EPB41: variants seen among roughly 807,000 people sequenced by gnomAD.
The protein encoded by EPB41 is protein 4.1.
Under a neutral mutation model 108.0 loss-of-function variants are expected in EPB41, and 65 were observed. The ratio of observed to expected loss-of-function variants is 0.60; its 90% CI spans 0.49 to 0.74. The LOEUF (loss-of-function observed/expected upper bound fraction) is 0.74, where lower values mean the gene tolerates loss of function less well. Among genes scored for constraint, EPB41 ranks in the 30% least tolerant of loss-of-function variants. The pLI is 0.00. For synonymous variants in EPB41, 336 were observed against 358.9 expected, an observed-to-expected ratio of 0.94 and a Z score of 0.72; for missense variants, 875 against 1,037.0, an observed-to-expected ratio of 0.84 and a Z score of 2.15.
chr1:28,890,476 G>A (rs1401798616), intron 1 of EPB41, among the ~76,000 whole-genome samples: 1 of 152,122 alleles, frequency 6.6e-6, no homozygotes, highest in African/African-American at 2.4e-5. Flanking sequence ...GGGTCTTCCA[G>A]CGCCTATTAC....
intron 1 of EPB41, among the ~76,000 whole-genome samples, chr1:28,934,241 A>G (rs529200394): frequency 6.6e-6 from 1 of 152,282 alleles, no homozygotes; most frequent in East Asian, 1.9e-4. Flanking sequence ...CAGAGAGGTA[A>G]AGTATCATTC....
At position 28,955,622 on chromosome 1, in the gene EPB41, C is replaced by T. The variant is rs2930837; in HGVS notation, c.-7-31809C>T. On this transcript the variant is annotated intron_variant, in intron 1 of 20. Transcript: ENST00000343067. The stretch of plus-strand genomic sequence containing the variant: ...CCTCCCAAAGTGCTGGGATTACAGA[C>T]GTGAGCCCACCACGCCCAGCCCTGA... 4.4e-3 allele frequency among the ~76,000 whole-genome samples: 674 copies of T among 152,202 alleles called. 3 individuals carry two copies. Among genetic ancestry groups the T allele is most frequent in the Non-Finnish European group, 7.4e-3 (500 of 67,992 alleles).
intron 15 of EPB41, among the ~76,000 whole-genome samples, chr1:29,062,649 C>T (rs565426433): frequency 4.6e-5 from 7 of 151,624 alleles, no homozygotes; most frequent in African/African-American, 1.7e-4. Flanking sequence ...GTCACTCCAG[C>T]AGGTTTTTTT....
intron 1 of EPB41, among the ~76,000 whole-genome samples, chr1:28,981,050 G>A (rs561620843): frequency 5.0e-4 from 76 of 152,272 alleles, no homozygotes; most frequent in Middle Eastern, 3.4e-3. Flanking sequence ...TTGGATTACA[G>A]GCGTGAGCCA....
chr1:29,114,291 C>G (rs1280109105), intron 19 of EPB41, among the ~76,000 whole-genome samples: 1 of 152,152 alleles, frequency 6.6e-6, no homozygotes, highest in East Asian at 1.9e-4. Flanking sequence ...ACAGGGACCC[C>G]CTCAGAAACT....
intron 20 of EPB41, among the ~76,000 whole-genome samples, chr1:29,116,311 G>A (rs2151776778): frequency 6.6e-6 from 1 of 152,192 alleles, no homozygotes; most frequent in Admixed American, 6.5e-5. Context: ...ACCATGCCCA[G>A]CTAATTTTTG....
intron 16 of EPB41, chr1:29,072,978 G>C (rs1573566279): frequency 6.6e-6 from 1 of 152,200 alleles, no homozygotes; most frequent in Non-Finnish European, 1.5e-5. Flanking sequence ...GGGCATGGTG[G>C]CACACACCTG....
chr1:29,076,309 C>G (rs918445601), intron 16 of EPB41, among the ~76,000 whole-genome samples: 2 of 152,178 alleles, frequency 1.3e-5, no homozygotes, highest in African/African-American at 4.8e-5. Flanking sequence ...CTTTATGTCC[C>G]TATAAATTGA....
At position 28,990,032 on chromosome 1, in the gene EPB41, G is replaced by A. The variant is rs181932402; in HGVS notation, c.468+2127G>A. Among the ~76,000 whole-genome samples the A allele has an allele frequency of 4.4e-3, 670 of 152,006 alleles. 5 individuals are homozygous for A. Among genetic ancestry groups the A allele is most frequent in the Non-Finnish European group, 7.4e-3 (502 of 67,944 alleles). The stretch of plus-strand genomic sequence containing the variant: ...AGCACTCTAGGAGGCTGAGGCAGGC[G>A]AATCACAAGGTCAGGAGTTTGAGAC... On this transcript the variant is annotated intron_variant, in intron 2 of 20. Transcript: ENST00000343067.
At chr1:28,956,129 G>A (rs1246695495) in intron 1 of EPB41, among the ~76,000 whole-genome samples, 3 of 152,208 alleles carry the variant, frequency 2.0e-5, no homozygotes, top group African/African-American at 7.2e-5. Context: ...GCCATGTAAA[G>A]TACTCTCATT....
intron 17 of EPB41, 60 bp downstream of exon 17, chr1:29,097,995 TCA>T (rs1663812067): frequency 6.2e-7 from 1 of 1,610,436 alleles, no homozygotes; most frequent in Non-Finnish European, 8.5e-7. Context: ...TAACCTTTCT[TCA>T]CAGAGTTTCT....
chr1:29,002,793 A>G (rs1016192500), intron 4 of EPB41, among the ~76,000 whole-genome samples: 2 of 152,222 alleles, frequency 1.3e-5, no homozygotes, highest in African/African-American at 2.4e-5. Context: ...CCAATAAGCA[A>G]TGGCAGAACA....
chr1:28,916,066 C>A (rs569177759), intron 1 of EPB41, among the ~76,000 whole-genome samples: 1 of 152,176 alleles, frequency 6.6e-6, no homozygotes, highest in South Asian at 2.1e-4. Flanking sequence ...TTTTCCTTTT[C>A]TGTAAATTGA....
At chr1:29,091,304 C>T (rs1201716367) in intron 16 of EPB41, among the ~76,000 whole-genome samples, 1 of 152,120 alleles carries the variant, frequency 6.6e-6, no homozygotes, top group Non-Finnish European at 1.5e-5. Flanking sequence ...TGAAGAAGCC[C>T]AAAGTTCCTC....
rs1428186976 is a variant in EPB41 at position 28,895,786 on chromosome 1, C to T, written c.-8+8576C>T. On this transcript the variant is annotated intron_variant, in intron 1 of 16. Transcript: ENST00000347529. The stretch of plus-strand genomic sequence containing the variant: ...TATAGGTGTGAGCCACCACGCCCGG[C>T]CCTAAGGCCCAAATTCTTAGTGTGA... Among the ~76,000 whole-genome samples, 3 of 152,326 alleles carry T rather than the reference C, an allele frequency of 2.0e-5. No homozygotes were observed. In the East Asian group the frequency reaches 5.8e-4, roughly 29 times the overall value.
At chr1:29,034,134 T>C (rs1638494068) in intron 9 of EPB41, among the ~76,000 whole-genome samples, 1 of 152,228 alleles carries the variant, frequency 6.6e-6, no homozygotes, top group Non-Finnish European at 1.5e-5. Context: ...GAAGCATTTA[T>C]TTTGTACCAT....
chr1:28,900,290 CTTTTTTTT>C (rs536156004), intron 1 of EPB41, among the ~76,000 whole-genome samples: 3,933 of 126,100 alleles, frequency 0.031, 169 homozygotes, highest in African/African-American at 0.11. Context: ...ACTTCTTCTT[CTTTTTTTT>C]TTTTTTTGAG....
At chr1:29,094,011 A>C (rs1351177086) in intron 16 of EPB41, among the ~76,000 whole-genome samples, 1 of 152,174 alleles carries the variant, frequency 6.6e-6, no homozygotes, top group Non-Finnish European at 1.5e-5. Context: ...TCTTTAATCT[A>C]TCTTGAGTTG....
At chr1:28,922,113 G>A (rs1416806120) in intron 1 of EPB41, among the ~76,000 whole-genome samples, 1 of 150,822 alleles carries the variant, frequency 6.6e-6, no homozygotes, top group African/African-American at 2.4e-5. Flanking sequence ...GGCATTACAG[G>A]CACGTGCCAC....
Sources: gnomAD v4.1 joint callset for allele counts (sites outside exome capture counted in the v4.1 genomes callset) on GRCh38, gnomAD v4.1.1 for gene constraint, MANE v1.5 for transcripts, NCBI Gene and HGNC (gene_info 2026-07-23, HGNC 2026-07-21) for gene names.